Variants in ARB2A observed in about 807,000 individuals in gnomAD.
The protein encoded by ARB2A is cotranscriptional regulator ARB2A.
chr5:93,889,615 T>C, the ARB2A span, among the ~76,000 whole-genome samples: 20 of 151,802 alleles, frequency 1.3e-4, no homozygotes, highest in Non-Finnish European at 2.1e-4. Context: ...AACATGAAAA[T>C]ATTAATAATT....
chr5:93,912,061 G>A, the ARB2A span, among the ~76,000 whole-genome samples: 1 of 151,552 alleles, frequency 6.6e-6, no homozygotes, highest in South Asian at 2.1e-4. Context: ...ATAAGTCAGA[G>A]CTTAGTTTTC....
At chr5:94,103,742 A>G in the ARB2A span, among the ~76,000 whole-genome samples, 1 of 150,910 alleles carries the variant, frequency 6.6e-6, no homozygotes, top group Non-Finnish European at 1.5e-5. Context: ...TGCACATGAC[A>G]CATACTGTAA....
chr5:93,741,563 T>G, the ARB2A span: 1 of 1,538,934 alleles, frequency 6.5e-7, no homozygotes, highest in Non-Finnish European at 8.7e-7. Flanking sequence ...TGTCCGGCCA[T>G]GGGTGGAATG....
the ARB2A span, among the ~76,000 whole-genome samples, chr5:93,898,314 A>C: frequency 5.9e-5 from 9 of 151,912 alleles, no homozygotes; most frequent in African/African-American, 2.2e-4. Flanking sequence ...TAAATTATTT[A>C]ACAATTCTCA....
the ARB2A span, among the ~76,000 whole-genome samples, chr5:94,105,411 T>G: frequency 6.6e-6 from 1 of 151,952 alleles, no homozygotes; most frequent in Non-Finnish European, 1.5e-5. Flanking sequence ...ATAAAATACC[T>G]AGGCATACAG....
the ARB2A span, among the ~76,000 whole-genome samples, chr5:94,042,259 A>G: frequency 6.6e-6 from 1 of 152,036 alleles, no homozygotes; most frequent in Admixed American, 6.6e-5. Context: ...ACATTAGAAT[A>G]AAAGTACAAC....
the ARB2A span, among the ~76,000 whole-genome samples, chr5:93,874,162 A>G: frequency 6.6e-6 from 1 of 152,196 alleles, no homozygotes; most frequent in African/African-American, 2.4e-5. Context: ...TTATTTTGGA[A>G]CAATGTTGTA....
At chr5:93,983,609 A>C in the ARB2A span, among the ~76,000 whole-genome samples, 2 of 152,172 alleles carry the variant, frequency 1.3e-5, no homozygotes, top group Non-Finnish European at 2.9e-5. Flanking sequence ...AAATCAATGG[A>C]TGCTAAAATT....
chr5:93,948,403 A>G, the ARB2A span, among the ~76,000 whole-genome samples: 1 of 152,014 alleles, frequency 6.6e-6, no homozygotes, highest in African/African-American at 2.4e-5. Context: ...TAGATTCTGG[A>G]TATTAGCCCT....
the ARB2A span, chr5:93,619,680 A>G: frequency 6.6e-6 from 1 of 152,370 alleles, no homozygotes; most frequent in South Asian, 2.1e-4. Context: ...ATTAAAATAT[A>G]ATGTGAAATT....
At chr5:94,014,277 A>G in the ARB2A span, among the ~76,000 whole-genome samples, 1 of 152,204 alleles carries the variant, frequency 6.6e-6, no homozygotes, top group African/African-American at 2.4e-5. Context: ...ATCCTCTTTG[A>G]GGCCTCCCCC....
the ARB2A span, among the ~76,000 whole-genome samples, chr5:93,726,428 C>A: frequency 2.6e-5 from 4 of 151,952 alleles, no homozygotes; most frequent in African/African-American, 9.7e-5. Context: ...GATGCTAGGG[C>A]AGAGAGAAGG....
the ARB2A span, among the ~76,000 whole-genome samples, chr5:93,782,775 T>C: frequency 6.6e-6 from 1 of 152,170 alleles, no homozygotes; most frequent in South Asian, 2.1e-4. Context: ...TGCTTAAAAC[T>C]ACAAAGTTAT....
the ARB2A span, chr5:93,781,957 T>C: frequency 4.1e-6 from 4 of 983,226 alleles, no homozygotes; most frequent in African/African-American, 7.0e-5. Flanking sequence ...GCAGAGGGGA[T>C]AGGAAATAAG....
the ARB2A span, among the ~76,000 whole-genome samples, chr5:94,011,234 C>G: frequency 2.6e-5 from 4 of 152,294 alleles, no homozygotes; most frequent in South Asian, 8.3e-4. Context: ...ATCTCCTCTT[C>G]TTAATGATGA....
At chr5:94,072,358 TCA>T in the ARB2A span, among the ~76,000 whole-genome samples, 29 of 149,522 alleles carry the variant, frequency 1.9e-4, no homozygotes, top group Middle Eastern at 3.5e-3. Flanking sequence ...CCAAACACAC[TCA>T]CACACACACA....
At chr5:93,630,960 T>C in the ARB2A span, among the ~76,000 whole-genome samples, 3 of 152,116 alleles carry the variant, frequency 2.0e-5, no homozygotes, top group East Asian at 5.8e-4. Context: ...TGGTGTGATC[T>C]TAGCTCACTG....
the ARB2A span, among the ~76,000 whole-genome samples, chr5:93,994,853 C>T: frequency 9.2e-4 from 139 of 151,774 alleles, no homozygotes; most frequent in African/African-American, 3.3e-3. Flanking sequence ...TTGCAGTGAG[C>T]CGAGATTGCA....
At chr5:93,681,646 A>G in the ARB2A span, among the ~76,000 whole-genome samples, 1 of 152,052 alleles carries the variant, frequency 6.6e-6, no homozygotes, top group South Asian at 2.1e-4. Flanking sequence ...TATCTTTTTT[A>G]TTGCTATTTT....
Sources: gnomAD v4.1 joint callset for allele counts (sites outside exome capture counted in the v4.1 genomes callset) on GRCh38, gnomAD v4.1.1 for gene constraint, MANE v1.5 for transcripts, NCBI Gene and HGNC (gene_info 2026-07-23, HGNC 2026-07-21) for gene names.